UMAD1: variants seen among roughly 807,000 people sequenced by gnomAD.
UMAD1 encodes the protein UBAP1-MVB12-associated (UMA) domain containing 1.
UMAD1 carries 8 observed loss-of-function variants against 6.1 expected under a neutral mutation model. The ratio of observed to expected loss-of-function variants is 1.30; its 90% CI spans 0.76 to 2.35. The LOEUF (loss-of-function observed/expected upper bound fraction) is 2.35. Among genes scored for constraint, UMAD1 ranks in the 30% most tolerant of loss-of-function variants. The pLI is 0.00. For synonymous variants in UMAD1, 56 were observed against 31.4 expected, an observed-to-expected ratio of 1.78 and a Z score of -2.61; for missense variants, 130 against 78.4, an observed-to-expected ratio of 1.66 and a Z score of -2.49.
intron 3 of UMAD1, among the ~76,000 whole-genome samples, chr7:7,829,097 A>T (rs892163433): frequency 6.6e-6 from 1 of 152,148 alleles, no homozygotes; most frequent in Non-Finnish European, 1.5e-5. Context: ...TTTCTTGTCA[A>T]TGTTCTTTTT....
chr7:7,676,454 C>A (rs528963273), intron 2 of UMAD1, among the ~76,000 whole-genome samples: 1 of 152,284 alleles, frequency 6.6e-6, no homozygotes, highest in South Asian at 2.1e-4. Flanking sequence ...AGAACCTATC[C>A]TCTAAACCAC....
intron 2 of UMAD1, among the ~76,000 whole-genome samples, chr7:7,688,462 GTGTTTTTCTGCTGCCT>G (rs1401639788): frequency 6.6e-6 from 1 of 152,098 alleles, no homozygotes; most frequent in African/African-American, 2.4e-5. Flanking sequence ...CGAATCCAAG[GTGTTTTTCTGCTGCCT>G]TGCCCTCAGC....
At chr7:7,803,954 T>C (rs1362941080) in intron 3 of UMAD1, among the ~76,000 whole-genome samples, 1 of 152,234 alleles carries the variant, frequency 6.6e-6, no homozygotes, top group African/African-American at 2.4e-5. Context: ...AGTTGATTCA[T>C]TGATAGAAAG....
intron 2 of UMAD1, among the ~76,000 whole-genome samples, chr7:7,696,331 G>A (rs1221260044): frequency 6.6e-6 from 1 of 151,310 alleles, no homozygotes; most frequent in Non-Finnish European, 1.5e-5. Context: ...AACAAATGTG[G>A]TCTGATGGTG....
intron 2 of UMAD1, among the ~76,000 whole-genome samples, chr7:7,717,615 C>CTA (rs1444989998): frequency 6.6e-6 from 1 of 152,166 alleles, no homozygotes; most frequent in Non-Finnish European, 1.5e-5. Flanking sequence ...ATCACATTGG[C>CTA]TAACATGGCC....
At chr7:7,710,543 A>G (rs914858065) in intron 2 of UMAD1, among the ~76,000 whole-genome samples, 1 of 152,176 alleles carries the variant, frequency 6.6e-6, no homozygotes, top group African/African-American at 2.4e-5. Context: ...GCTAAAATAA[A>G]TAGTAATAAC....
intron 2 of UMAD1, among the ~76,000 whole-genome samples, chr7:7,762,525 T>C (rs1007307822): frequency 5.9e-5 from 9 of 152,166 alleles, no homozygotes; most frequent in African/African-American, 2.2e-4. Context: ...TTAACATTGA[T>C]TGTGTGACTG....
intron 2 of UMAD1, among the ~76,000 whole-genome samples, chr7:7,755,730 A>G (rs1008107938): frequency 6.6e-6 from 1 of 152,228 alleles, no homozygotes; most frequent in Non-Finnish European, 1.5e-5. Context: ...TTAAGAAACC[A>G]TTTTTAAAAT....
chr7:7,695,610 C>T (rs754842933), intron 2 of UMAD1, among the ~76,000 whole-genome samples: 8 of 152,148 alleles, frequency 5.3e-5, no homozygotes, highest in Admixed American at 3.3e-4. Flanking sequence ...GAATTTCTGG[C>T]AGTGGAATTT....
intron 1 of UMAD1, among the ~76,000 whole-genome samples, chr7:7,670,951 C>A (rs1252879068): frequency 6.6e-6 from 1 of 152,160 alleles, no homozygotes; most frequent in African/African-American, 2.4e-5. Flanking sequence ...CATTGTCTTC[C>A]ATGCCATTGG....
chr7:7,734,461 TC>T (rs1233529575), intron 2 of UMAD1, among the ~76,000 whole-genome samples: 1 of 152,200 alleles, frequency 6.6e-6, no homozygotes, highest in Non-Finnish European at 1.5e-5. Context: ...AATTATCTTT[TC>T]TATTTAATTA....
intron 2 of UMAD1, among the ~76,000 whole-genome samples, chr7:7,744,352 T>C (rs1238719003): frequency 6.6e-6 from 1 of 152,216 alleles, no homozygotes; most frequent in South Asian, 2.1e-4. Context: ...TTTTGCTTTT[T>C]GGATATAATG....
At chr7:7,666,148 A>G (rs1018898225) in intron 1 of UMAD1, among the ~76,000 whole-genome samples, 13 of 152,078 alleles carry the variant, frequency 8.5e-5, no homozygotes, top group South Asian at 2.1e-4. Flanking sequence ...CAGTTGCTCC[A>G]TATCTTTGCC....
chr7:7,811,668 A>T (rs1030878547), intron 3 of UMAD1, among the ~76,000 whole-genome samples: 9 of 152,160 alleles, frequency 5.9e-5, no homozygotes, highest in Non-Finnish European at 8.8e-5. Flanking sequence ...CCAACCTTTA[A>T]AATAATGCTT....
At chr7:7,834,641 T>C (rs945158001) in intron 3 of UMAD1, among the ~76,000 whole-genome samples, 3 of 151,922 alleles carry the variant, frequency 2.0e-5, no homozygotes, top group African/African-American at 7.2e-5. Flanking sequence ...ACTCTCTCCC[T>C]CTTCTTCCTA....
chr7:7,833,191 C>G (rs1005946345), intron 3 of UMAD1, among the ~76,000 whole-genome samples: 1 of 152,076 alleles, frequency 6.6e-6, no homozygotes, highest in African/African-American at 2.4e-5. Flanking sequence ...TAGACTAGAG[C>G]TGGGCTGTGA....
At chr7:7,743,939 C>G (rs1781520560) in intron 2 of UMAD1, among the ~76,000 whole-genome samples, 1 of 151,768 alleles carries the variant, frequency 6.6e-6, no homozygotes, top group African/African-American at 2.4e-5. Flanking sequence ...ATTAATATAC[C>G]ATAACATTAA....
At chr7:7,826,778 A>G (rs1197606092) in intron 3 of UMAD1, among the ~76,000 whole-genome samples, 1 of 152,170 alleles carries the variant, frequency 6.6e-6, no homozygotes, top group African/African-American at 2.4e-5. Context: ...AGGAAGGCTC[A>G]GAAATGTTAG....
intron 1 of UMAD1, among the ~76,000 whole-genome samples, chr7:7,665,731 C>T (rs186186294): frequency 1.3e-5 from 2 of 152,006 alleles, no homozygotes; most frequent in Admixed American, 6.6e-5. Context: ...GATATACTTT[C>T]TTTCACTGTA....
Sources: gnomAD v4.1 joint callset for allele counts (sites outside exome capture counted in the v4.1 genomes callset) on GRCh38, gnomAD v4.1.1 for gene constraint, MANE v1.5 for transcripts, NCBI Gene and HGNC (gene_info 2026-07-23, HGNC 2026-07-21) for gene names.